THRB: variants seen among roughly 807,000 people sequenced by gnomAD.
THRB encodes thyroid hormone receptor beta.
A neutral mutation model predicts 47.8 loss-of-function variants in THRB; 12 were observed. The ratio of observed to expected loss-of-function variants is 0.25; its 90% CI spans 0.16 to 0.41. The LOEUF is 0.41. Among genes scored for constraint, THRB ranks in the 10% least tolerant of loss-of-function variants. The pLI is 1.00. For synonymous variants in THRB, 218 were observed against 212.2 expected (o/e 1.03, Z -0.24); for missense variants, 348 against 589.2 (o/e 0.59, Z 4.24).
intron 4 of THRB, among the ~76,000 whole-genome samples, chr3:24,192,272 T>C (rs982953477): frequency 6.6e-6 from 1 of 152,144 alleles, no homozygotes; most frequent in Non-Finnish European, 1.5e-5. Context: ...CTTGAGGTTT[T>C]TCATGAGCTA....
chr3:24,245,451 G>C (rs1355518836), intron 3 of THRB, among the ~76,000 whole-genome samples: 4 of 152,144 alleles, frequency 2.6e-5, no homozygotes, highest in Non-Finnish European at 5.9e-5. Flanking sequence ...ATTCTAATTA[G>C]GGGAGGCTGT....
chr3:24,332,688 T>C (rs1261180115), intron 2 of THRB, among the ~76,000 whole-genome samples: 1 of 152,216 alleles, frequency 6.6e-6, no homozygotes, highest in Non-Finnish European at 1.5e-5. Context: ...TTATTTTTCT[T>C]TCAACCTGCT....
At chr3:24,154,586 T>C (rs2037512772) in intron 5 of THRB, among the ~76,000 whole-genome samples, 1 of 152,162 alleles carries the variant, frequency 6.6e-6, no homozygotes, top group African/African-American at 2.4e-5. Flanking sequence ...ACTAGTATGG[T>C]TTTAACAAAA....
intron 3 of THRB, among the ~76,000 whole-genome samples, chr3:24,241,837 G>A (rs1487667787): frequency 6.6e-6 from 1 of 152,116 alleles, no homozygotes; most frequent in Non-Finnish European, 1.5e-5. Flanking sequence ...AACTCTGAAG[G>A]TGGGGTTCGG....
chr3:24,181,406 T>C (rs868584620), intron 5 of THRB, among the ~76,000 whole-genome samples: 74 of 152,240 alleles, frequency 4.9e-4, no homozygotes, highest in African/African-American at 1.7e-3. Context: ...CAAGAACCAA[T>C]GGTCATCTGT....
intron 1 of THRB, among the ~76,000 whole-genome samples, chr3:24,446,179 C>A (rs2072055191): frequency 6.6e-6 from 1 of 152,074 alleles, no homozygotes; most frequent in Non-Finnish European, 1.5e-5. Context: ...TGGTCATGAC[C>A]TTCTAAGGAT....
At chr3:24,280,813 G>A (rs1398432178) in intron 3 of THRB, among the ~76,000 whole-genome samples, 11 of 152,052 alleles carry the variant, frequency 7.2e-5, no homozygotes, top group Admixed American at 1.3e-4. Context: ...GAGCCCATGC[G>A]ATCAACTGGA....
intron 5 of THRB, among the ~76,000 whole-genome samples, chr3:24,159,227 G>A (rs750506098): frequency 6.6e-6 from 1 of 152,174 alleles, no homozygotes; most frequent in Non-Finnish European, 1.5e-5. Flanking sequence ...TACATAAAAG[G>A]GAAGGAGCTG....
chr3:24,366,091 C>T (rs1040499544), intron 1 of THRB, among the ~76,000 whole-genome samples: 1 of 152,130 alleles, frequency 6.6e-6, no homozygotes. Flanking sequence ...ATATTATTTG[C>T]ATATTGAAAT....
chr3:24,184,231 GGACA>G (rs1173893518), intron 5 of THRB, among the ~76,000 whole-genome samples: 1 of 152,192 alleles, frequency 6.6e-6, no homozygotes, highest in Non-Finnish European at 1.5e-5. Context: ...ATTCCCCAGT[GGACA>G]GACATTTAGA....
chr3:24,159,852 G>T (rs1425788847), intron 5 of THRB, among the ~76,000 whole-genome samples: 2 of 151,956 alleles, frequency 1.3e-5, no homozygotes, highest in African/African-American at 4.8e-5. Flanking sequence ...TCACAACAAA[G>T]AATTATATGG....
chr3:24,457,585 C>T (rs2073304088), intron 1 of THRB, among the ~76,000 whole-genome samples: 1 of 152,210 alleles, frequency 6.6e-6, no homozygotes, highest in South Asian at 2.1e-4. Context: ...TAGTGACATG[C>T]GAACAGAAAC....
chr3:24,314,227 G>A (rs1010660423), intron 2 of THRB, among the ~76,000 whole-genome samples: 1 of 152,136 alleles, frequency 6.6e-6, no homozygotes, highest in African/African-American at 2.4e-5. Context: ...TCCAAATCCA[G>A]GTCCTGGTGA....
chr3:24,211,881 G>A lies in THRB; in HGVS notation c.22+17057C>T, dbSNP rs138957166. On this transcript the variant is annotated intron_variant, in intron 4 of 10. Coordinates refer to ENST00000646209, the MANE Select transcript of THRB (RefSeq NM_001354712.2). ...AAATTAACCAGATCAATTGGTCCTA[G>A]TTCAATGGGCTCTGAGTAATAAAAT... Among the ~76,000 whole-genome samples the A allele has an allele frequency of 1.2e-4, 18 of 152,326 alleles. 1 individual carries two copies. The highest frequency in any genetic ancestry group is 4.3e-4 in the African/African-American group (18 of 41,562).
chr3:24,302,709 T>G (rs1486934030), intron 2 of THRB, among the ~76,000 whole-genome samples: 2 of 152,238 alleles, frequency 1.3e-5, no homozygotes, highest in African/African-American at 4.8e-5. Context: ...ACTATACTTC[T>G]TCTCTGGCTT....
Position 24,139,078 on chromosome 3 carries a change from C to T in THRB, c.738+4423G>A, listed in dbSNP as rs112429107. Reference sequence around the variant, plus strand: ...TTTGGCATCAGATGCTGCTTGTTCTCTTCTCAGCCTGCTTCTGCTTTTCAT... The same window carrying T: ...TTTGGCATCAGATGCTGCTTGTTCTTTTCTCAGCCTGCTTCTGCTTTTCAT... On this transcript the variant is annotated intron_variant, in intron 8 of 10. Coordinates refer to ENST00000646209, the MANE Select transcript of THRB (RefSeq NM_001354712.2). Among the ~76,000 whole-genome samples, 969 of 152,330 alleles carry T rather than the reference C, an allele frequency of 6.4e-3. 7 individuals are homozygous for T. Among genetic ancestry groups the T allele is most frequent in the Non-Finnish European group, 8.8e-3 (602 of 68,028 alleles).
At chr3:24,236,700 A>C (rs1456442745) in intron 3 of THRB, among the ~76,000 whole-genome samples, 1 of 152,156 alleles carries the variant, frequency 6.6e-6, no homozygotes, top group Non-Finnish European at 1.5e-5. Flanking sequence ...TTTTGTGAAA[A>C]AAAATTTTTC....
rs538226770 is a variant in THRB at position 24,177,448 on chromosome 3, C to T, written c.283+12626G>A. Reference sequence around the variant, plus strand: ...AGCATATAGTACAGTATTGGACACACAGAACACACTCAATTTAAAACATTG... The same window carrying T: ...AGCATATAGTACAGTATTGGACACATAGAACACACTCAATTTAAAACATTG... On this transcript the variant is annotated intron_variant, in intron 5 of 10. Coordinates refer to ENST00000646209, the MANE Select transcript of THRB (RefSeq NM_001354712.2). 1.5e-4 allele frequency among the ~76,000 whole-genome samples: 23 copies of T among 152,264 alleles called. No individual in the cohort carries two copies. In the East Asian group the frequency reaches 4.4e-3, roughly 29 times the overall value.
At chr3:24,375,639 C>G (rs1025441371) in intron 1 of THRB, among the ~76,000 whole-genome samples, 1 of 150,924 alleles carries the variant, frequency 6.6e-6, no homozygotes, top group Non-Finnish European at 1.5e-5. Flanking sequence ...GCTAAATTTT[C>G]TTAGACCCCC....
Sources: gnomAD v4.1 joint callset for allele counts (sites outside exome capture counted in the v4.1 genomes callset) on GRCh38, gnomAD v4.1.1 for gene constraint, MANE v1.5 for transcripts, NCBI Gene and HGNC (gene_info 2026-07-23, HGNC 2026-07-21) for gene names.